The following FSTL4 variants were observed in gnomAD, a reference collection of about 807,000 sequenced individuals.
The protein encoded by FSTL4 is follistatin-related protein 4.
In FSTL4, 28 loss-of-function variants were observed where a neutral mutation model predicts 78.2. The ratio of observed to expected loss-of-function variants is 0.36; its 90% confidence interval spans 0.27 to 0.49. The LOEUF (loss-of-function observed/expected upper bound fraction) is 0.49, where lower values mean the gene tolerates loss of function less well. Among genes scored for constraint, FSTL4 ranks in the 20% least tolerant of loss-of-function variants. FSTL4 has a pLI of 0.98. For synonymous variants in FSTL4, 422 were observed against 440.5 expected, an observed-to-expected ratio of 0.96 and a Z score of 0.53; for missense variants, 922 against 1,084.9, an observed-to-expected ratio of 0.85 and a Z score of 2.11.
intron 4 of FSTL4, among the ~76,000 whole-genome samples, chr5:133,392,826 C>T (rs982151547): frequency 2.6e-5 from 4 of 152,192 alleles, no homozygotes; most frequent in Admixed American, 2.6e-4. Context: ...GAGGCTGTAG[C>T]TTGTTTCCAT....
chr5:133,664,132 A>C, the FSTL4 span, among the ~76,000 whole-genome samples: 1 of 152,160 alleles, frequency 6.6e-6, no homozygotes, highest in Admixed American at 6.5e-5. Context: ...TTTGACAGGT[A>C]ATAGGTTTCC....
At chr5:133,770,458 T>C in the FSTL4 span, among the ~76,000 whole-genome samples, 8 of 152,214 alleles carry the variant, frequency 5.3e-5, no homozygotes, top group Admixed American at 4.6e-4. Flanking sequence ...GGTTTTAATT[T>C]GCATTTCTCT....
intron 3 of FSTL4, among the ~76,000 whole-genome samples, chr5:133,490,003 A>T (rs1235086680): frequency 6.6e-6 from 1 of 152,256 alleles, no homozygotes; most frequent in Non-Finnish European, 1.5e-5. Flanking sequence ...GCCAGGAAAC[A>T]TCTCATTCCA....
At chr5:133,659,753 AT>A in the FSTL4 span, among the ~76,000 whole-genome samples, 2 of 151,940 alleles carry the variant, frequency 1.3e-5, no homozygotes, top group African/African-American at 4.8e-5. Context: ...AAAGTTAAAT[AT>A]TTTATTTTTA....
chr5:133,311,509 A>C (rs1753784098), intron 6 of FSTL4, among the ~76,000 whole-genome samples: 1 of 152,112 alleles, frequency 6.6e-6, no homozygotes, highest in Non-Finnish European at 1.5e-5. Context: ...CTCTCCTCTT[A>C]TGTCATCCAA....
the FSTL4 span, among the ~76,000 whole-genome samples, chr5:133,651,356 T>A: frequency 2.0e-5 from 3 of 152,180 alleles, no homozygotes; most frequent in African/African-American, 7.2e-5. Context: ...AAGTATGATG[T>A]TAGCTATAGG....
chr5:133,672,486 A>G, the FSTL4 span, among the ~76,000 whole-genome samples: 2 of 152,362 alleles, frequency 1.3e-5, no homozygotes, highest in Admixed American at 6.5e-5. Flanking sequence ...CCTCATATCT[A>G]TCTGGTTCCA....
At chr5:133,378,488 A>G (rs1037088129) in intron 4 of FSTL4, among the ~76,000 whole-genome samples, 4 of 152,206 alleles carry the variant, frequency 2.6e-5, no homozygotes, top group Admixed American at 6.5e-5. Context: ...TAACATACAA[A>G]TTATATAACT....
At chr5:133,482,689 A>T (rs1158020699) in intron 3 of FSTL4, among the ~76,000 whole-genome samples, 2 of 152,174 alleles carry the variant, frequency 1.3e-5, no homozygotes, top group Non-Finnish European at 2.9e-5. Context: ...CATGGCTTGC[A>T]GGGTGTGCAG....
chr5:133,230,055 G>A lies in FSTL4; in HGVS notation c.1015+3362C>T, dbSNP rs533282325. On this transcript the variant is annotated intron_variant, in intron 8 of 15. Transcript: ENST00000265342. ...CTATGGTGCCTGTCCTTTTACTGGC[G>A]GTGGGCTTGTCCAGTGAACTGGAAA... Among the ~76,000 whole-genome samples the A allele has an allele frequency of 3.3e-5, 5 of 152,256 alleles. No homozygotes were observed. In the South Asian group the frequency reaches 1.0e-3, roughly 32 times the overall value.
rs530056141 is a variant in FSTL4, at chr5:133,559,775, C to T, written c.160+7411G>A. On this transcript the variant is annotated intron_variant, in intron 3 of 15. Transcript: ENST00000265342. ...ATGTGCATGAACACAGTTTAAGCTCCTTCTAGCAGAGGGACCCACAAGTTG... is the reference window on the plus strand; with the variant it reads ...ATGTGCATGAACACAGTTTAAGCTCTTTCTAGCAGAGGGACCCACAAGTTG... Among the ~76,000 whole-genome samples the T allele has an allele frequency of 7.2e-5, 11 of 152,310 alleles. No individual in the cohort carries two copies. In the South Asian group the frequency reaches 2.1e-3, roughly 29 times the overall value.
intron 2 of FSTL4, among the ~76,000 whole-genome samples, chr5:133,581,377 C>G (rs991582828): frequency 1.3e-5 from 2 of 152,190 alleles, no homozygotes; most frequent in Non-Finnish European, 2.9e-5. Context: ...GTTTCCTCGT[C>G]TGAAGAGGAG....
chr5:133,512,403 C>T (rs1225132075), intron 3 of FSTL4, among the ~76,000 whole-genome samples: 1 of 152,210 alleles, frequency 6.6e-6, no homozygotes, highest in Non-Finnish European at 1.5e-5. Context: ...ACTTAGAGGG[C>T]TTGGATCTCA....
intron 6 of FSTL4, among the ~76,000 whole-genome samples, chr5:133,273,386 CACA>C (rs1752809236): frequency 6.6e-6 from 1 of 152,218 alleles, no homozygotes; most frequent in East Asian, 1.9e-4. Flanking sequence ...TCAGCAGCCA[CACA>C]TACCTAGGAC....
At chr5:133,228,289 G>T (rs1751394175) in intron 8 of FSTL4, among the ~76,000 whole-genome samples, 1 of 152,102 alleles carries the variant, frequency 6.6e-6, no homozygotes, top group African/African-American at 2.4e-5. Flanking sequence ...GTTAAGGAGA[G>T]AATATTTAAA....
chr5:133,495,066 C>T (rs1410174142), intron 3 of FSTL4, among the ~76,000 whole-genome samples: 1 of 152,202 alleles, frequency 6.6e-6, no homozygotes, highest in Non-Finnish European at 1.5e-5. Flanking sequence ...TGTCCCATAG[C>T]ATCCTGACAG....
At chr5:133,377,724 G>A (rs1057357641) in intron 4 of FSTL4, among the ~76,000 whole-genome samples, 3 of 151,886 alleles carry the variant, frequency 2.0e-5, no homozygotes, top group African/African-American at 7.3e-5. Flanking sequence ...GAAAGGAACA[G>A]AAAATTATTT....
At chr5:133,495,133 T>C (rs1296970275) in intron 3 of FSTL4, among the ~76,000 whole-genome samples, 1 of 152,312 alleles carries the variant, frequency 6.6e-6, no homozygotes, top group South Asian at 2.1e-4. Context: ...TCCACACACA[T>C]GCTAGCCCAC....
intron 2 of FSTL4, among the ~76,000 whole-genome samples, chr5:133,591,339 T>C (rs1256168825): frequency 6.6e-6 from 1 of 152,168 alleles, no homozygotes; most frequent in African/African-American, 2.4e-5. Flanking sequence ...AGGCAGGCCT[T>C]ACTGCCAGGG....
Sources: allele counts gnomAD v4.1 joint callset (sites outside exome capture counted in the v4.1 genomes callset), GRCh38; gene constraint gnomAD v4.1.1; transcripts MANE v1.5; gene names NCBI Gene and HGNC (gene_info 2026-07-23, HGNC 2026-07-21).